Variants in GAB1 observed in about 807,000 individuals in gnomAD.
GAB1 encodes the protein GRB2 associated binding protein 1.
A neutral mutation model predicts 66.5 loss-of-function variants in GAB1; 19 were observed. The ratio of observed to expected loss-of-function variants is 0.29; its 90% CI spans 0.20 to 0.42. The LOEUF (loss-of-function observed/expected upper bound fraction) is 0.42, where lower values mean the gene tolerates loss of function less well. Ranked by LOEUF, GAB1 falls within the 10% of genes least tolerant of loss-of-function variation. The pLI, the probability that GAB1 is intolerant of heterozygous loss-of-function variation, is 1.00. For synonymous variants in GAB1, 294 were observed against 301.4 expected (o/e 0.98, Z 0.25); for missense variants, 732 against 858.5 (o/e 0.85, Z 1.84).
intron 1 of GAB1, among the ~76,000 whole-genome samples, chr4:143,364,893 T>TC (rs1487083899): frequency 7.0e-6 from 1 of 143,306 alleles, no homozygotes; most frequent in African/African-American, 2.6e-5. Flanking sequence ...TTTTTTTTTT[T>TC]TGGAGACGGA....
chr4:143,465,675 T>C (rs1292140857), intron 8 of GAB1, among the ~76,000 whole-genome samples: 1 of 152,194 alleles, frequency 6.6e-6, no homozygotes, highest in African/African-American at 2.4e-5. Flanking sequence ...ATCCAGATGA[T>C]TGAAACAAAA....
intron 8 of GAB1, among the ~76,000 whole-genome samples, chr4:143,463,572 G>A (rs1034710063): frequency 2.1e-5 from 3 of 144,782 alleles, no homozygotes; most frequent in Non-Finnish European, 3.0e-5. Flanking sequence ...GCAGTGAGCC[G>A]AGATCAAGCC....
chr4:143,448,113 A>G (rs563792435), intron 6 of GAB1, among the ~76,000 whole-genome samples: 3 of 152,016 alleles, frequency 2.0e-5, no homozygotes, highest in Admixed American at 2.0e-4. Flanking sequence ...CATATATTGA[A>G]CCAGCCTTGC....
chr4:143,338,020 A>G (rs1018124666), intron 1 of GAB1, among the ~76,000 whole-genome samples: 9 of 152,210 alleles, frequency 5.9e-5, no homozygotes, highest in Non-Finnish European at 1.2e-4. Flanking sequence ...GCCAGAAGGG[A>G]TTTCAGTTGC....
chr4:143,344,622 G>A (rs1232562037), intron 1 of GAB1, among the ~76,000 whole-genome samples: 1 of 152,066 alleles, frequency 6.6e-6, no homozygotes, highest in East Asian at 1.9e-4. Context: ...AGGCTCTTCC[G>A]TTGCCAGTGG....
At position 143,435,359 on chromosome 4, in the gene GAB1, TA is replaced by T. The variant is rs1182007208; in HGVS notation, c.593+1647del. On this transcript the variant is annotated intron_variant, in intron 3 of 9. Transcript: ENST00000262994. Reference sequence around the variant, plus strand: ...ATTTTGCTTGTTTGCTGTGAGTATCTAAAATTATACACTGGCAACTTTGTTA... The same window carrying T: ...ATTTTGCTTGTTTGCTGTGAGTATCTAAATTATACACTGGCAACTTTGTTA... 2.0e-5 allele frequency among the ~76,000 whole-genome samples: 3 copies of T among 152,352 alleles called. No homozygotes were observed. The East Asian group carries it at 5.8e-4, about 29-fold the overall frequency.
intron 1 of GAB1, among the ~76,000 whole-genome samples, chr4:143,342,815 A>C (rs988407671): frequency 1.3e-5 from 2 of 151,814 alleles, no homozygotes; most frequent in Non-Finnish European, 2.9e-5. Flanking sequence ...CGCCCGCCTC[A>C]GCCTCCCAAA....
At chr4:143,353,316 A>G (rs1442714581) in intron 1 of GAB1, among the ~76,000 whole-genome samples, 2 of 152,240 alleles carry the variant, frequency 1.3e-5, no homozygotes, top group African/African-American at 2.4e-5. Context: ...AAAGAACACC[A>G]AAAGTGGGTC....
intron 1 of GAB1, among the ~76,000 whole-genome samples, chr4:143,337,939 G>A (rs534639946): frequency 3.9e-5 from 6 of 152,214 alleles, no homozygotes; most frequent in Non-Finnish European, 7.3e-5. Flanking sequence ...AGGGCGCTGG[G>A]GGGGAGCCTA....
intron 2 of GAB1, among the ~76,000 whole-genome samples, chr4:143,423,846 G>A (rs1295374855): frequency 5.0e-5 from 5 of 100,956 alleles, no homozygotes; most frequent in Non-Finnish European, 8.4e-5. Context: ...ATGTCTTCAC[G>A]TGCTATGAAA....
chr4:143,375,878 G>T (rs1237122152), intron 1 of GAB1, among the ~76,000 whole-genome samples: 2 of 151,952 alleles, frequency 1.3e-5, no homozygotes, highest in African/African-American at 4.8e-5. Context: ...CCCATCCCCA[G>T]CTGTGACAAC....
chr4:143,467,191 C>G (rs1232523622), intron 9 of GAB1, among the ~76,000 whole-genome samples: 1 of 152,178 alleles, frequency 6.6e-6, no homozygotes, highest in Non-Finnish European at 1.5e-5. Flanking sequence ...TTCTCTCAGC[C>G]CATGGAAGAT....
At chr4:143,434,567 G>T (rs1733846429) in intron 3 of GAB1, among the ~76,000 whole-genome samples, 1 of 151,766 alleles carries the variant, frequency 6.6e-6, no homozygotes, top group Non-Finnish European at 1.5e-5. Context: ...TGTTGCCTAG[G>T]CTGATCTCAA....
At chr4:143,381,615 T>C (rs1385523135) in intron 1 of GAB1, among the ~76,000 whole-genome samples, 1 of 152,184 alleles carries the variant, frequency 6.6e-6, no homozygotes, top group East Asian at 1.9e-4. Context: ...TGATATAAAG[T>C]GCTTAGAACA....
rs61697817 is a variant in GAB1, at chr4:143,413,824, C to CCTTTTTTT, written c.73-1653_73-1652insCTTTTTTT. On this transcript the variant is annotated intron_variant, in intron 1 of 9. Transcript: ENST00000262994. ...AGAGCATCCCCACCACCCCGCTGCC[C>CCTTTTTTT]TTTTTTTTTTTTTTTTTTTTTTTTG... is the stretch of plus-strand genomic sequence containing the variant. 1.7e-3 allele frequency among the ~76,000 whole-genome samples: 118 copies of CCTTTTTTT among 67,840 alleles called. 2 individuals are homozygous for CCTTTTTTT. The highest frequency in any genetic ancestry group is 0.011 in the African/African-American group (117 of 10,632). 44.5% of individuals were successfully genotyped at this position (67,840 alleles called of 152,430 possible).
chr4:143,415,395 A>C (rs1156892304), intron 1 of GAB1, 82 bp from the exon 2 acceptor site: 5 of 1,089,738 alleles, frequency 4.6e-6, no homozygotes, highest in Non-Finnish European at 6.6e-6. Flanking sequence ...ATGCATTTGT[A>C]AAATCAGTTT....
chr4:143,373,335 G>T (rs1206366449), intron 1 of GAB1, among the ~76,000 whole-genome samples: 2 of 152,248 alleles, frequency 1.3e-5, no homozygotes, highest in East Asian at 3.9e-4. Context: ...AATTAAAAAA[G>T]AATAATAGCA....
chr4:143,375,914 T>C (rs1730397378), intron 1 of GAB1, among the ~76,000 whole-genome samples: 2 of 152,086 alleles, frequency 1.3e-5, no homozygotes. Flanking sequence ...CATTGCCAAG[T>C]GTGCCCTGGA....
At chr4:143,350,465 T>A (rs1297437255) in intron 1 of GAB1, among the ~76,000 whole-genome samples, 2 of 151,818 alleles carry the variant, frequency 1.3e-5, no homozygotes, top group Non-Finnish European at 2.9e-5. Context: ...ATCACCTGAG[T>A]TCGGGAGACA....
Sources: gnomAD v4.1 joint callset for allele counts (sites outside exome capture counted in the v4.1 genomes callset) on GRCh38, gnomAD v4.1.1 for gene constraint, MANE v1.5 for transcripts, NCBI Gene and HGNC (gene_info 2026-07-23, HGNC 2026-07-21) for gene names.